The following ERCC3 variants were observed in gnomAD, a reference collection of about 807,000 sequenced individuals.
ERCC3 encodes the protein general transcription and DNA repair factor IIH helicase/translocase subunit XPB.
A neutral mutation model predicts 94.2 loss-of-function variants in ERCC3; 66 were observed. The observed-to-expected ratio is 0.70, with a 90% CI of 0.57 to 0.86. The LOEUF (loss-of-function observed/expected upper bound fraction) is 0.86, where lower values mean the gene tolerates loss of function less well. Among genes scored for constraint, ERCC3 ranks in the 40% least tolerant of loss-of-function variants. The pLI, the probability that ERCC3 is intolerant of heterozygous loss-of-function variation, is 0.00. For synonymous variants in ERCC3, 349 were observed against 369.1 expected (o/e 0.95, Z 0.63); for missense variants, 829 against 987.1 (o/e 0.84, Z 2.15).
Position 127,294,085 on chromosome 2 carries a change from A to C in ERCC3, c.-4T>G. 1 of 1,607,692 alleles carries C rather than the reference A, an allele frequency of 6.2e-7. No individual in the cohort carries two copies. The highest frequency in any genetic ancestry group is 8.5e-7 in the Non-Finnish European group (1 of 1,179,518). On this transcript the variant is annotated 5_prime_UTR_variant, in exon 1 of 15. Coordinates refer to ENST00000285398, the MANE Select transcript of ERCC3 (RefSeq NM_000122.2). Reference sequence around the variant, plus strand: ...CCGCTCGGTCTCTTTTGCCCATGGCAGCTACAGCAGCAGAGAGAAGATGAC... The same window carrying C: ...CCGCTCGGTCTCTTTTGCCCATGGCCGCTACAGCAGCAGAGAGAAGATGAC...
At position 127,272,007 on chromosome 2, in the gene ERCC3, CTTTTTTTTTTTTT is replaced by C. The variant is rs59921131; in HGVS notation, c.1828-567_1828-555del. Among the ~76,000 whole-genome samples, 303 of 63,088 alleles carry C rather than the reference CTTTTTTTTTTTTT, an allele frequency of 4.8e-3. 2 individuals are homozygous for C. The highest frequency in any genetic ancestry group is 0.017 in the African/African-American group (271 of 15,488). 41.4% of individuals were successfully genotyped at this position (63,088 alleles called of 152,430 possible). A position where few individuals can be genotyped will look rare whatever the true frequency, so the allele number is the denominator to read the frequency against. On this transcript the variant is annotated intron_variant, in intron 11 of 14. Coordinates refer to ENST00000285398, the MANE Select transcript of ERCC3 (RefSeq NM_000122.2). ...GCCACAATCACATAAAATCTCATTT[CTTTTTTTTTTTTT>C]TTTTTTTTTTTTTTTGAGACGGAGT...
Position 127,257,528 on chromosome 2 carries a change from T to C in ERCC3, c.*68A>G. ...GGTCAAAGAGGTGGAAGGAAAATGT[T>C]ATGCTGAAAATCCCTTTCCAACAAG... On this transcript the variant is annotated 3_prime_UTR_variant, in exon 15 of 15. Transcript: ENST00000285398. The surrounding 1 kb of genome is among the most constrained non-coding windows in gnomAD (Gnocchi z 5.4). The C allele has an allele frequency of 1.9e-6, 3 of 1,600,874 alleles. No homozygotes were observed. Among genetic ancestry groups the C allele is most frequent in the Non-Finnish European group, 2.6e-6 (3 of 1,169,772 alleles).
intron 8 of ERCC3, among the ~76,000 whole-genome samples, chr2:127,283,318 C>T (rs181506431): frequency 2.6e-5 from 4 of 152,192 alleles, no homozygotes; most frequent in Non-Finnish European, 4.4e-5. Context: ...ACTATACTGT[C>T]GTTGTATAAA....
chr2:127,287,316 T>C (rs531603242), intron 7 of ERCC3, among the ~76,000 whole-genome samples: 1 of 152,252 alleles, frequency 6.6e-6, no homozygotes, highest in South Asian at 2.1e-4. Context: ...ATGCCTGTTA[T>C]TGTTATTTTA....
In ERCC3 at chr2:127,259,635, C is replaced by T. The variant is rs1684132324; in HGVS notation, c.2065-187G>A. ...ATCAGGAGCCGCCTTTAACAGGGAG[C>T]TTGACTAATGATCTCAAGACCAGAG... On this transcript the variant is annotated intron_variant, in intron 13 of 14. Transcript: ENST00000285398. The surrounding 1 kb of genome is among the most constrained non-coding windows in gnomAD (Gnocchi z 4.9). The T allele has an allele frequency of 1.4e-6, 1 of 690,678 alleles. No homozygotes were observed. Among genetic ancestry groups the T allele is most frequent in the African/African-American group, 1.8e-5 (1 of 56,668 alleles). 42.8% of individuals were successfully genotyped at this position (690,678 alleles called of 1,614,324 possible). A position where few individuals can be genotyped will look rare whatever the true frequency, so the allele number is the denominator to read the frequency against.
Position 127,292,595 on chromosome 2 carries a change from T to C in ERCC3, c.471+15A>G. ...AGCAGGGCAGGTGGAATTGCTGGTC[T>C]CAGCTGTCACTTGCCTTAATAAACT... On this transcript the variant is annotated intron_variant, in intron 3 of 14. Coordinates refer to ENST00000285398, the MANE Select transcript of ERCC3 (RefSeq NM_000122.2). 6.5e-7 allele frequency: 1 copy of C among 1,529,526 alleles called. No individual in the cohort carries two copies. The highest frequency in any genetic ancestry group is 1.1e-5 in the South Asian group (1 of 89,372). 94.7% of individuals were successfully genotyped at this position (1,529,526 alleles called of 1,614,324 possible).
chr2:127,287,896 TC>T (rs1463496466), intron 7 of ERCC3, among the ~76,000 whole-genome samples: 1 of 152,158 alleles, frequency 6.6e-6, no homozygotes. Flanking sequence ...ATCAAGCTTT[TC>T]CATTAAACAG....
intron 12 of ERCC3, among the ~76,000 whole-genome samples, chr2:127,268,837 T>C (rs1684461359): frequency 6.6e-6 from 1 of 152,216 alleles, no homozygotes; most frequent in East Asian, 1.9e-4. Context: ...AATTAATAAC[T>C]TTTACCTTTT....
In ERCC3 at chr2:127,259,864, C is replaced by A; in HGVS notation, c.2065-416G>T. ...AAGGTCCCTGGCATCTGCTGTGCTC[C>A]GCAACTGGGGCTTCCAGCAGGAATG... is the stretch of plus-strand genomic sequence containing the variant. On this transcript the variant is annotated intron_variant, in intron 13 of 14. Transcript: ENST00000285398. This position sits in a 1 kb window ranked among gnomAD's most constrained non-coding sequence, Gnocchi z 4.9. The A allele has an allele frequency of 3.6e-6, 1 of 280,156 alleles. No homozygotes were observed. The allele number at this position is 280,156 out of a possible 1,614,324, so 17.4% of individuals were successfully genotyped here.
Position 127,293,550 on chromosome 2 carries a change from G to A in ERCC3, c.197C>T (p.Pro66Leu), listed in dbSNP as rs1439555872. The A allele has an allele frequency of 6.2e-7, 1 of 1,614,148 alleles. No individual in the cohort carries two copies. The highest frequency in any genetic ancestry group is 1.1e-5 in the South Asian group (1 of 91,062). ...CCTGGAGGTGTGGTCGTCCTTCAGC[G>A]GCATTTGCAGCCTGTAGTCCTTGGC... is the stretch of plus-strand genomic sequence containing the variant. ...YGAKDYRLQMPLKDDHTSRPL... is the reference protein window; with the variant it reads ...YGAKDYRLQMLLKDDHTSRPL... Residue 66 changes from proline to leucine, a missense_variant, in exon 2 of 15, where the codon CCG becomes CTG. Physicochemically the swap from Pro to Leu is moderately conservative, Grantham distance 98. Transcript: ENST00000285398.
At chr2:127,278,679 T>C (rs1326693737) in intron 10 of ERCC3, among the ~76,000 whole-genome samples, 1 of 152,176 alleles carries the variant, frequency 6.6e-6, no homozygotes, top group African/African-American at 2.4e-5. Context: ...AAAGCCAGGT[T>C]TTAAGCACAA....
intron 8 of ERCC3, among the ~76,000 whole-genome samples, chr2:127,281,262 C>T (rs1001920211): frequency 3.3e-5 from 5 of 152,164 alleles, no homozygotes; most frequent in African/African-American, 4.8e-5. Flanking sequence ...TCCCAGAAAC[C>T]GAGAAGAAAG....
chr2:127,267,677 T>C (rs1417869610), intron 12 of ERCC3, among the ~76,000 whole-genome samples: 3 of 152,192 alleles, frequency 2.0e-5, no homozygotes, highest in Non-Finnish European at 1.5e-5. Context: ...GTTTGGATTG[T>C]GTAGTTGCTT....
Position 127,286,883 on chromosome 2 carries a change from G to C in ERCC3, c.1162C>G (p.Gln388Glu), listed in dbSNP as rs1055129064. Residue 388 changes from glutamine to glutamate, a missense_variant, in exon 8 of 15, where the codon CAG becomes GAG. Transcript: ENST00000285398. ...FKMWSTIDDS[Q>E]ICRFTSDAKD... ...GCATCGGAGGTGAACCGGCAGATCTGGCTGTCGTCAATGGTGGACCACATC... is the reference window on the plus strand; with the variant it reads ...GCATCGGAGGTGAACCGGCAGATCTCGCTGTCGTCAATGGTGGACCACATC... 2.5e-6 allele frequency: 4 copies of C among 1,614,088 alleles called. No individual in the cohort carries two copies. Among genetic ancestry groups the C allele is most frequent in the Non-Finnish European group, 2.5e-6 (3 of 1,180,044 alleles).
rs4150497 is a variant in ERCC3, at chr2:127,271,689, C to G, written c.1828-236G>C. Among the ~76,000 whole-genome samples, 1,158 of 152,262 alleles carry G rather than the reference C, an allele frequency of 7.6e-3. 8 individuals carry two copies. The highest frequency in any genetic ancestry group is 0.012 in the Admixed American group (187 of 15,300). ...TAAGAGTCATCCTGAAGAATTAATA[C>G]CAGGCATCAGTGACATTCAGTGCTG... On this transcript the variant is annotated intron_variant, in intron 11 of 14. Transcript: ENST00000285398. The surrounding 1 kb of genome is among the most constrained non-coding windows in gnomAD (Gnocchi z 5.0).
Position 127,279,848 on chromosome 2 carries a change from T to C in ERCC3, c.1528-473A>G, listed in dbSNP as rs114148313. On this transcript the variant is annotated intron_variant, in intron 9 of 14. Transcript: ENST00000285398. The surrounding 1 kb of genome is among the most constrained non-coding windows in gnomAD (Gnocchi z 4.7). The stretch of plus-strand genomic sequence containing the variant: ...ACTAAACCCAACCTAATACCTCCTA[T>C]TGAACTGGACGTTTTCACATGTTAA... Among the ~76,000 whole-genome samples the C allele has an allele frequency of 3.2e-3, 491 of 152,260 alleles. 5 individuals carry two copies. The highest frequency in any genetic ancestry group is 6.4e-3 in the Non-Finnish European group (435 of 68,012).
intron 13 of ERCC3, chr2:127,260,466 A>G (rs1329716376): frequency 6.6e-6 from 1 of 152,334 alleles, no homozygotes; most frequent in East Asian, 1.9e-4. Flanking sequence ...CTTGTCCTCT[A>G]GGCCAGCATG....
In ERCC3 at chr2:127,264,056, T is replaced by TATCC. The variant is rs1684280226; in HGVS notation, c.1946-2711_1946-2710insGGAT. Reference sequence around the variant, plus strand: ...GGAATGCTTCCAGCTTTTGCTTACTTAGTATGATGTTGGCTGTGAGTTTGT... The same window carrying TATCC: ...GGAATGCTTCCAGCTTTTGCTTACTTATCCAGTATGATGTTGGCTGTGAGTTTGT... On this transcript the variant is annotated intron_variant, in intron 12 of 14. Transcript: ENST00000285398. The surrounding 1 kb of genome is among the most constrained non-coding windows in gnomAD (Gnocchi z 4.4). 6.6e-6 allele frequency among the ~76,000 whole-genome samples: 1 copy of TATCC among 152,242 alleles called. No homozygotes were observed. The highest frequency in any genetic ancestry group is 1.9e-4 in the East Asian group (1 of 5,196).
chr2:127,286,127 G>T (rs941047920), intron 8 of ERCC3, among the ~76,000 whole-genome samples: 1 of 152,092 alleles, frequency 6.6e-6, no homozygotes, highest in African/African-American at 2.4e-5. Context: ...AGTTTTTAGA[G>T]GGCCATTAAA....
Sources: gnomAD v4.1 joint callset for allele counts (sites outside exome capture counted in the v4.1 genomes callset) on GRCh38, gnomAD v4.1.1 for gene constraint, Gnocchi (gnomAD v3.1) non-coding constraint, MANE v1.5 for transcripts, NCBI Gene and HGNC (gene_info 2026-07-23, HGNC 2026-07-21) for gene names.